RPS6KC1: variants seen among roughly 807,000 people sequenced by gnomAD.
RPS6KC1 encodes ribosomal protein S6 kinase C1.
In RPS6KC1, 54 loss-of-function variants were observed where a neutral mutation model predicts 103.8. The observed-to-expected ratio is 0.52, with a 90% CI of 0.42 to 0.65. RPS6KC1 has a LOEUF of 0.65. Among genes scored for constraint, RPS6KC1 ranks in the 30% least tolerant of loss-of-function variants. RPS6KC1 has a pLI of 0.00. For missense variants in RPS6KC1, 1,151 were observed against 1,253.8 expected (o/e 0.92, Z 1.24); for synonymous variants, 439 against 438.7 (o/e 1.00, Z -0.01).
At chr1:213,123,932 G>GTTTATAGTATAAAGA (rs2084686596) in intron 5 of RPS6KC1, among the ~76,000 whole-genome samples, 1 of 152,138 alleles carries the variant, frequency 6.6e-6, no homozygotes, top group Non-Finnish European at 1.5e-5. Flanking sequence ...ATTTCTGATA[G>GTTTATAGTATAAAGA]TTTATAGTAT....
At chr1:213,496,210 C>CA in the RPS6KC1 span, among the ~76,000 whole-genome samples, 5 of 151,682 alleles carry the variant, frequency 3.3e-5, no homozygotes, top group Non-Finnish European at 7.4e-5. Context: ...TAAGACAAAG[C>CA]AAAAAATGTC....
the RPS6KC1 span, among the ~76,000 whole-genome samples, chr1:213,606,890 T>C: frequency 6.6e-6 from 1 of 152,198 alleles, no homozygotes; most frequent in Non-Finnish European, 1.5e-5. Context: ...CCAGGCATTG[T>C]AATAGACACC....
the RPS6KC1 span, among the ~76,000 whole-genome samples, chr1:213,323,158 CTG>C: frequency 6.6e-6 from 1 of 152,006 alleles, no homozygotes; most frequent in Non-Finnish European, 1.5e-5. Flanking sequence ...TTCTCTGACT[CTG>C]ACCCTCCTCT....
the RPS6KC1 span, among the ~76,000 whole-genome samples, chr1:213,497,983 G>T: frequency 2.3e-4 from 35 of 152,184 alleles, no homozygotes; most frequent in African/African-American, 7.7e-4. Context: ...CAAAAAAGTT[G>T]GGAAAGTTTT....
the RPS6KC1 span, among the ~76,000 whole-genome samples, chr1:213,565,298 A>G: frequency 2.0e-5 from 3 of 152,230 alleles, no homozygotes; most frequent in African/African-American, 7.2e-5. Flanking sequence ...ATACATTCAC[A>G]AAAAGACTTG....
chr1:213,704,357 C>T, the RPS6KC1 span, among the ~76,000 whole-genome samples: 3 of 129,530 alleles, frequency 2.3e-5, no homozygotes, highest in African/African-American at 5.9e-5. Context: ...CACTGCACTC[C>T]AGCCTGGGCG....
chr1:213,601,979 CCT>C, the RPS6KC1 span, among the ~76,000 whole-genome samples: 86 of 38,650 alleles, frequency 2.2e-3, 14 homozygotes, highest in African/African-American at 9.7e-3. Flanking sequence ...TCCCTTCCTT[CCT>C]CTCTCTCTTT....
At chr1:213,565,829 CA>C in the RPS6KC1 span, among the ~76,000 whole-genome samples, 1 of 151,976 alleles carries the variant, frequency 6.6e-6, no homozygotes, top group Non-Finnish European at 1.5e-5. Flanking sequence ...CATGGTGGCT[CA>C]TGCCTGTAAT....
chr1:213,702,737 C>T, the RPS6KC1 span, among the ~76,000 whole-genome samples: 2 of 151,796 alleles, frequency 1.3e-5, no homozygotes, highest in African/African-American at 4.8e-5. Context: ...GCTACTCCTG[C>T]TCTGTTTGAT....
the RPS6KC1 span, among the ~76,000 whole-genome samples, chr1:213,365,507 A>T: frequency 6.6e-6 from 1 of 152,230 alleles, no homozygotes; most frequent in Non-Finnish European, 1.5e-5. Flanking sequence ...TTGGTTTATT[A>T]TGTGTTTTAA....
chr1:213,780,461 C>T, the RPS6KC1 span, among the ~76,000 whole-genome samples: 3 of 152,174 alleles, frequency 2.0e-5, no homozygotes, highest in Admixed American at 6.5e-5. Context: ...AGATCCAGCC[C>T]TGGGTGCAAT....
chr1:213,506,700 A>C, the RPS6KC1 span, among the ~76,000 whole-genome samples: 1 of 152,236 alleles, frequency 6.6e-6, no homozygotes, highest in East Asian at 1.9e-4. Context: ...TCAATGTATC[A>C]ATGTCTGGTA....
the RPS6KC1 span, among the ~76,000 whole-genome samples, chr1:213,436,938 C>G: frequency 2.0e-5 from 3 of 152,032 alleles, no homozygotes; most frequent in African/African-American, 4.8e-5. Flanking sequence ...AATTATATAT[C>G]TATGGATAAT....
chr1:213,305,888 A>C, the RPS6KC1 span, among the ~76,000 whole-genome samples: 1 of 152,188 alleles, frequency 6.6e-6, no homozygotes. Flanking sequence ...AACTTCTGAG[A>C]ATCTAGTCAC....
chr1:213,198,324 T>C (rs1316557653), intron 8 of RPS6KC1, among the ~76,000 whole-genome samples: 1 of 152,248 alleles, frequency 6.6e-6, no homozygotes, highest in African/African-American at 2.4e-5. Context: ...TATCTGCTTT[T>C]AATCTAAATA....
chr1:213,766,387 A>G, the RPS6KC1 span, among the ~76,000 whole-genome samples: 1 of 152,150 alleles, frequency 6.6e-6, no homozygotes, highest in Non-Finnish European at 1.5e-5. Flanking sequence ...TGTCATCAAG[A>G]GCACAAACCA....
At chr1:213,408,324 A>G in the RPS6KC1 span, among the ~76,000 whole-genome samples, 3 of 152,348 alleles carry the variant, frequency 2.0e-5, no homozygotes, top group Admixed American at 6.5e-5. Flanking sequence ...GCATGTGCCT[A>G]TATCCTTCTG....
At chr1:213,771,898 C>A in the RPS6KC1 span, among the ~76,000 whole-genome samples, 254 of 152,204 alleles carry the variant, frequency 1.7e-3, no homozygotes, top group Middle Eastern at 0.01. Context: ...GCAGCATGAA[C>A]GATGATGAAC....
chr1:213,542,910 G>T, the RPS6KC1 span, among the ~76,000 whole-genome samples: 347 of 152,286 alleles, frequency 2.3e-3, no homozygotes, highest in African/African-American at 8.1e-3. Context: ...GGTGAGGAGA[G>T]GGCCACGCAA....
Sources: gnomAD v4.1 joint callset for allele counts (sites outside exome capture counted in the v4.1 genomes callset) on GRCh38, gnomAD v4.1.1 for gene constraint, MANE v1.5 for transcripts, NCBI Gene and HGNC (gene_info 2026-07-23, HGNC 2026-07-21) for gene names.